The following CDH8 variants were observed in gnomAD, a reference collection of about 807,000 sequenced individuals.
CDH8 encodes cadherin-8.
Under a neutral mutation model 68.1 loss-of-function variants are expected in CDH8, and 17 were observed. The ratio of observed to expected loss-of-function variants is 0.25; its 90% CI spans 0.17 to 0.37. The LOEUF (loss-of-function observed/expected upper bound fraction) is 0.37, where lower values mean the gene tolerates loss of function less well. Ranked by LOEUF, CDH8 falls within the 10% of genes least tolerant of loss-of-function variation. The probability of loss-of-function intolerance (pLI) is 1.00; values close to 1 mark genes in which losing one functional copy is unlikely to be tolerated. For synonymous variants in CDH8, 372 were observed against 365.1 expected (o/e 1.02, Z -0.21); for missense variants, 763 against 999.3 (o/e 0.76, Z 3.19).
chr16:61,801,271 C>T (rs1254922092), intron 7 of CDH8, among the ~76,000 whole-genome samples: 2 of 152,026 alleles, frequency 1.3e-5, no homozygotes, highest in African/African-American at 2.4e-5. Context: ...TCTAGTATAC[C>T]ACACTGATAA....
intron 4 of CDH8, among the ~76,000 whole-genome samples, chr16:61,854,154 A>T (rs1962999027): frequency 1.3e-5 from 2 of 149,416 alleles, no homozygotes. Context: ...ACACACACAC[A>T]CACACTGCAG....
chr16:61,958,279 A>G (rs1345120997), intron 2 of CDH8, among the ~76,000 whole-genome samples: 6 of 152,316 alleles, frequency 3.9e-5, no homozygotes, highest in Non-Finnish European at 8.8e-5. Context: ...CTCTCCAGTC[A>G]AAAGAAAAGC....
In CDH8 at chr16:61,760,521, C is replaced by G. The variant is rs566456650; in HGVS notation, c.1414+28825G>C. On this transcript the variant is annotated intron_variant, in intron 8 of 11. Coordinates refer to ENST00000577390, the MANE Select transcript of CDH8 (RefSeq NM_001796.5). The stretch of plus-strand genomic sequence containing the variant: ...AGAGACAGGGCTTCACCATGTTGAC[C>G]AGGCTGGTCTCGAGCCCGTGACCTT... Among the ~76,000 whole-genome samples the G allele has an allele frequency of 4.6e-5, 7 of 152,000 alleles. No homozygotes were observed. The South Asian group carries it at 1.5e-3, about 32-fold the overall frequency.
At chr16:61,770,755 T>A (rs967098792) in intron 8 of CDH8, among the ~76,000 whole-genome samples, 49 of 152,028 alleles carry the variant, frequency 3.2e-4, no homozygotes, top group African/African-American at 1.2e-3. Context: ...ATGCTTTCTG[T>A]CTCTTTCAAT....
At chr16:61,811,225 A>G (rs1961940520) in intron 7 of CDH8, among the ~76,000 whole-genome samples, 1 of 152,138 alleles carries the variant, frequency 6.6e-6, no homozygotes, top group Admixed American at 6.5e-5. Context: ...GAATAAATGA[A>G]TTAATGTGAA....
chr16:61,855,925 C>A (rs549319420), intron 4 of CDH8, among the ~76,000 whole-genome samples: 1 of 152,098 alleles, frequency 6.6e-6, no homozygotes, highest in South Asian at 2.1e-4. Context: ...TTCTTGGCTG[C>A]GGAAGGATAT....
At chr16:61,675,520 A>T (rs1463672618) in intron 10 of CDH8, among the ~76,000 whole-genome samples, 1 of 150,922 alleles carries the variant, frequency 6.6e-6, no homozygotes, top group Non-Finnish European at 1.5e-5. Flanking sequence ...TAGTGGGTGC[A>T]GCACACCAGC....
At chr16:61,764,340 G>A (rs1222968153) in intron 8 of CDH8, among the ~76,000 whole-genome samples, 1 of 152,100 alleles carries the variant, frequency 6.6e-6, no homozygotes, top group African/African-American at 2.4e-5. Flanking sequence ...GGAGTTAGCT[G>A]AGAAAGGAGT....
At chr16:61,892,666 C>T (rs1484265885) in intron 3 of CDH8, among the ~76,000 whole-genome samples, 1 of 152,052 alleles carries the variant, frequency 6.6e-6, no homozygotes, top group Non-Finnish European at 1.5e-5. Flanking sequence ...TTAACTTCTG[C>T]CTTCTGCCTG....
At chr16:61,695,186 G>C (rs1964303285) in intron 10 of CDH8, among the ~76,000 whole-genome samples, 1 of 151,874 alleles carries the variant, frequency 6.6e-6, no homozygotes, top group African/African-American at 2.4e-5. Flanking sequence ...CTCAAAGATT[G>C]ACTTTGACTG....
intron 10 of CDH8, among the ~76,000 whole-genome samples, chr16:61,661,813 A>G (rs1394218283): frequency 6.6e-6 from 1 of 151,762 alleles, no homozygotes; most frequent in Admixed American, 6.6e-5. Context: ...ATAGTCACAC[A>G]TTCTCTGCAA....
chr16:61,661,118 T>A (rs564505108), intron 10 of CDH8, among the ~76,000 whole-genome samples: 1 of 152,172 alleles, frequency 6.6e-6, no homozygotes, highest in East Asian at 1.9e-4. Context: ...ATAAAATATC[T>A]ATTTTTTGAG....
At chr16:61,950,713 T>TA (rs938900619) in intron 2 of CDH8, among the ~76,000 whole-genome samples, 105 of 152,228 alleles carry the variant, frequency 6.9e-4, no homozygotes, top group African/African-American at 2.3e-3. Flanking sequence ...TATACAGCCA[T>TA]AAAAAAAGAA....
chr16:61,814,610 C>T (rs981861944), intron 7 of CDH8, among the ~76,000 whole-genome samples: 2 of 152,168 alleles, frequency 1.3e-5, no homozygotes, highest in African/African-American at 2.4e-5. Context: ...GCAAATTAAA[C>T]GTTATCCTAA....
chr16:62,012,275 A>T (rs1901832331), intron 2 of CDH8, among the ~76,000 whole-genome samples: 1 of 152,214 alleles, frequency 6.6e-6, no homozygotes, highest in African/African-American at 2.4e-5. Flanking sequence ...CTCATAAGAT[A>T]GTTTCCCATT....
intron 3 of CDH8, among the ~76,000 whole-genome samples, chr16:61,879,995 G>A (rs931440415): frequency 1.4e-4 from 21 of 151,708 alleles, no homozygotes; most frequent in Non-Finnish European, 3.1e-4. Context: ...GTGCCATCTC[G>A]GCTCACTGCA....
intron 10 of CDH8, among the ~76,000 whole-genome samples, chr16:61,682,199 A>C (rs1232822420): frequency 6.6e-6 from 1 of 151,992 alleles, no homozygotes; most frequent in African/African-American, 2.4e-5. Context: ...TAAGTCATTG[A>C]AGATTGAAAA....
chr16:61,659,198 A>G (rs1341372015), intron 10 of CDH8, among the ~76,000 whole-genome samples: 2 of 152,212 alleles, frequency 1.3e-5, no homozygotes, highest in African/African-American at 4.8e-5. Flanking sequence ...TTATAAATGG[A>G]AAAACATTTA....
intron 8 of CDH8, among the ~76,000 whole-genome samples, chr16:61,767,010 T>C (rs998866943): frequency 2.0e-5 from 3 of 151,908 alleles, no homozygotes; most frequent in East Asian, 1.9e-4. Flanking sequence ...GAATGGGCAT[T>C]CTATGCAGCA....
Sources: gnomAD v4.1 joint callset for allele counts (sites outside exome capture counted in the v4.1 genomes callset) on GRCh38, gnomAD v4.1.1 for gene constraint, MANE v1.5 for transcripts, NCBI Gene and HGNC (gene_info 2026-07-23, HGNC 2026-07-21) for gene names.